PAPPA2: variants seen among roughly 807,000 people sequenced by gnomAD.
The protein encoded by PAPPA2 is pappalysin-2.
In PAPPA2, 86 loss-of-function variants were observed where a neutral mutation model predicts 176.4. The ratio of observed to expected loss-of-function variants is 0.49; its 90% confidence interval spans 0.41 to 0.58. The LOEUF (loss-of-function observed/expected upper bound fraction) is 0.58, where lower values mean the gene tolerates loss of function less well. Ranked by LOEUF, PAPPA2 falls within the 20% of genes least tolerant of loss-of-function variation. The pLI, the probability that PAPPA2 is intolerant of heterozygous loss-of-function variation, is 0.00. For synonymous variants in PAPPA2, 809 were observed against 852.2 expected (o/e 0.95, Z 0.88); for missense variants, 2,073 against 2,256.9 (o/e 0.92, Z 1.65).
chr1:176,466,581 T>C (rs9425451), intron 1 of PAPPA2, among the ~76,000 whole-genome samples: 28,203 of 152,056 alleles, frequency 0.19, 4,191 homozygotes, highest in African/African-American at 0.41. Context: ...AAAGAAGGAA[T>C]CTGATGAGTG....
chr1:176,524,689 T>C (rs1649388825), intron 1 of PAPPA2, among the ~76,000 whole-genome samples: 1 of 152,084 alleles, frequency 6.6e-6, no homozygotes, highest in African/African-American at 2.4e-5. Flanking sequence ...AGAGCAGAAG[T>C]CTGGTTCTTT....
chr1:176,472,864 A>G (rs11578200), intron 1 of PAPPA2, among the ~76,000 whole-genome samples: 23,437 of 152,132 alleles, frequency 0.15, 1,887 homozygotes, highest in Middle Eastern at 0.25. Flanking sequence ...AATTTCAAAT[A>G]AACTTTATTT....
At chr1:176,734,318 T>C (rs1203501863) in intron 12 of PAPPA2, among the ~76,000 whole-genome samples, 3 of 152,108 alleles carry the variant, frequency 2.0e-5, no homozygotes, top group Non-Finnish European at 2.9e-5. Flanking sequence ...GTTGAATGTC[T>C]ACCCCTAGTT....
intron 12 of PAPPA2, among the ~76,000 whole-genome samples, chr1:176,735,248 G>C (rs1558551099): frequency 6.6e-6 from 1 of 152,252 alleles, no homozygotes; most frequent in East Asian, 1.9e-4. Flanking sequence ...TATACAAAAA[G>C]AAGGTGATGC....
intron 2 of PAPPA2, among the ~76,000 whole-genome samples, chr1:176,569,821 C>T (rs529365055): frequency 6.6e-6 from 1 of 152,240 alleles, no homozygotes; most frequent in Admixed American, 6.5e-5. Context: ...CACATGAAAA[C>T]CTGGTAATCT....
chr1:176,528,961 C>T (rs2102548801), intron 1 of PAPPA2, among the ~76,000 whole-genome samples: 1 of 152,314 alleles, frequency 6.6e-6, no homozygotes, highest in East Asian at 1.9e-4. Context: ...AAGCACCTTG[C>T]ATCCAGTTAT....
At chr1:176,684,055 C>A (rs775664765) in intron 4 of PAPPA2, among the ~76,000 whole-genome samples, 3 of 152,134 alleles carry the variant, frequency 2.0e-5, no homozygotes, top group Non-Finnish European at 2.9e-5. Flanking sequence ...ATTCACCATG[C>A]GGGCTAAACC....
At chr1:176,634,959 A>C (rs1023118575) in intron 3 of PAPPA2, among the ~76,000 whole-genome samples, 14 of 118,072 alleles carry the variant, frequency 1.2e-4, no homozygotes, top group African/African-American at 4.7e-4. Flanking sequence ...AGATAGATAG[A>C]TAGATAAATA....
intron 1 of PAPPA2, among the ~76,000 whole-genome samples, chr1:176,527,886 C>A (rs1649583328): frequency 6.6e-6 from 1 of 152,226 alleles, no homozygotes; most frequent in African/African-American, 2.4e-5. Flanking sequence ...TGTGCGGGAA[C>A]AGAGCTTCTG....
chr1:176,578,804 A>G (rs1262406565), intron 2 of PAPPA2, among the ~76,000 whole-genome samples: 2 of 152,084 alleles, frequency 1.3e-5, no homozygotes, highest in Non-Finnish European at 2.9e-5. Context: ...TTGCTTTTCC[A>G]TTTATGTAAA....
chr1:176,594,599 G>A lies in PAPPA2; in HGVS notation c.995G>A (p.Gly332Glu). The stretch of plus-strand genomic sequence containing the variant: ...GGGATCCGCTCAGGGAAGGACAAGG[G>A]AAAGCGGGATGCTCGCTTCTTCTTC... Reference protein sequence around the residue: ...ALGIRSGKDKGKRDARFFFSL... With the variant: ...ALGIRSGKDKEKRDARFFFSL... The change falls in exon 3 of 23, where the codon GGA becomes GAA. Residue 332 changes from glycine to glutamate, a missense_variant. Transcript: ENST00000367662. 6.2e-7 allele frequency: 1 copy of A among 1,614,192 alleles called. No individual in the cohort carries two copies. The highest frequency in any genetic ancestry group is 8.5e-7 in the Non-Finnish European group (1 of 1,180,036).
chr1:176,738,050 A>G (rs1662499355), intron 12 of PAPPA2, among the ~76,000 whole-genome samples: 1 of 152,220 alleles, frequency 6.6e-6, no homozygotes, highest in Non-Finnish European at 1.5e-5. Flanking sequence ...ATGAAAAGGA[A>G]GAGGTTATGG....
At chr1:176,648,779 A>G (rs962109821) in intron 3 of PAPPA2, among the ~76,000 whole-genome samples, 3 of 151,652 alleles carry the variant, frequency 2.0e-5, no homozygotes, top group Middle Eastern at 3.2e-3. Flanking sequence ...TCTTGGGATA[A>G]TCCTACTTGA....
intron 8 of PAPPA2, among the ~76,000 whole-genome samples, chr1:176,701,041 C>T (rs1249653662): frequency 4.6e-5 from 6 of 131,626 alleles, no homozygotes; most frequent in African/African-American, 6.4e-5. Context: ...ATTTGCTACA[C>T]ACACACACAT....
intron 17 of PAPPA2, among the ~76,000 whole-genome samples, chr1:176,785,603 C>G (rs1013779923): frequency 6.6e-6 from 1 of 152,174 alleles, no homozygotes; most frequent in Non-Finnish European, 1.5e-5. Context: ...TGCAGTGCCT[C>G]CTCTCCAGTC....
At chr1:176,704,897 C>A (rs954669544) in intron 9 of PAPPA2, among the ~76,000 whole-genome samples, 1 of 151,580 alleles carries the variant, frequency 6.6e-6, no homozygotes, top group African/African-American at 2.4e-5. Flanking sequence ...CTAATTTTAC[C>A]AGTTTCTTTT....
At chr1:176,735,595 A>T (rs1368884854) in intron 12 of PAPPA2, among the ~76,000 whole-genome samples, 1 of 152,094 alleles carries the variant, frequency 6.6e-6, no homozygotes, top group Non-Finnish European at 1.5e-5. Flanking sequence ...ACCAGTGGCC[A>T]ATGGTTAGAT....
chr1:176,691,370 T>A (rs1660113879), intron 5 of PAPPA2, among the ~76,000 whole-genome samples: 1 of 152,198 alleles, frequency 6.6e-6, no homozygotes, highest in East Asian at 1.9e-4. Context: ...TCAAGATGTG[T>A]CTATCTGAGT....
chr1:176,639,354 A>G (rs1256659980), intron 3 of PAPPA2, among the ~76,000 whole-genome samples: 1 of 152,136 alleles, frequency 6.6e-6, no homozygotes, highest in African/African-American at 2.4e-5. Flanking sequence ...GCTTTAACCT[A>G]TGCATACTGG....
Sources: allele counts gnomAD v4.1 joint callset (sites outside exome capture counted in the v4.1 genomes callset), GRCh38; gene constraint gnomAD v4.1.1; transcripts MANE v1.5; gene names NCBI Gene and HGNC (gene_info 2026-07-23, HGNC 2026-07-21).